The following CBL variants were observed in gnomAD, a reference collection of about 807,000 sequenced individuals.
CBL encodes the protein Cbl proto-oncogene.
A neutral mutation model predicts 96.9 loss-of-function variants in CBL; 45 were observed. That is an observed-to-expected ratio of 0.46 (90% confidence interval 0.37 to 0.60). The LOEUF (loss-of-function observed/expected upper bound fraction) is 0.60. Among genes scored for constraint, CBL ranks in the 20% least tolerant of loss-of-function variants. The pLI, the probability that CBL is intolerant of heterozygous loss-of-function variation, is 0.00. For missense variants in CBL, 1,024 were observed against 1,143.5 expected (o/e 0.90, Z 1.51); for synonymous variants, 420 against 426.8 (o/e 0.98, Z 0.20).
At chr11:119,244,599 T>TTTTTTTTTTTTA (rs1949611666) in intron 2 of CBL, among the ~76,000 whole-genome samples, 1 of 148,242 alleles carries the variant, frequency 6.7e-6, no homozygotes, top group African/African-American at 2.5e-5. Flanking sequence ...TTTTTTTTTT[T>TTTTTTTTTTTTA]GAGACGGAGT....
intron 6 of CBL, among the ~76,000 whole-genome samples, chr11:119,277,302 G>C (rs964809754): frequency 2.7e-5 from 4 of 149,490 alleles, no homozygotes; most frequent in African/African-American, 1.0e-4. Context: ...GCCATCCATT[G>C]ATTAAAAATG....
intron 1 of CBL, among the ~76,000 whole-genome samples, chr11:119,206,832 C>T (rs918905270): frequency 3.0e-4 from 46 of 150,970 alleles, no homozygotes; most frequent in Middle Eastern, 3.5e-3. Flanking sequence ...TCGGGGAACG[C>T]TGGGGTGCCG....
intron 1 of CBL, among the ~76,000 whole-genome samples, chr11:119,225,196 A>G (rs540206361): frequency 1.3e-5 from 2 of 152,120 alleles, no homozygotes; most frequent in East Asian, 3.9e-4. Flanking sequence ...TCCCGGGTTC[A>G]TGCAATTCTC....
In CBL at chr11:119,306,484, T is replaced by C. The variant is rs562568416; in HGVS notation, c.*6703T>C. 9.8e-4 allele frequency: 390 copies of C among 397,716 alleles called. No homozygotes were observed. Among genetic ancestry groups the C allele is most frequent in the Non-Finnish European group, 1.4e-3 (316 of 225,700 alleles). 24.6% of individuals were successfully genotyped at this position (397,716 alleles called of 1,614,324 possible). ...GAGGAGTATTGCTCAATGCGTGCTATGTGCAACTCCTCAGGCCTTGTGCCA... is the reference window on the plus strand; with the variant it reads ...GAGGAGTATTGCTCAATGCGTGCTACGTGCAACTCCTCAGGCCTTGTGCCA... On this transcript the variant is annotated 3_prime_UTR_variant, in exon 16 of 16. Coordinates refer to ENST00000264033, the MANE Select transcript of CBL (RefSeq NM_005188.4).
At chr11:119,266,916 G>C (rs1949806976) in intron 2 of CBL, among the ~76,000 whole-genome samples, 4 of 152,196 alleles carry the variant, frequency 2.6e-5, no homozygotes, top group Admixed American at 2.6e-4. Context: ...TTCCTTTGTG[G>C]ATCTTTGGAG....
At chr11:119,295,267 G>A (rs1565271603) in intron 12 of CBL, among the ~76,000 whole-genome samples, 1 of 152,190 alleles carries the variant, frequency 6.6e-6, no homozygotes. Flanking sequence ...AAAATTCTCA[G>A]AAATGGAATT....
intron 9 of CBL, among the ~76,000 whole-genome samples, chr11:119,279,656 A>G (rs565956980): frequency 2.0e-5 from 3 of 152,294 alleles, no homozygotes; most frequent in South Asian, 4.1e-4. Context: ...TGTCTCATAA[A>G]TAAATAGTAA....
At chr11:119,209,797 A>G (rs1226968353) in intron 1 of CBL, among the ~76,000 whole-genome samples, 1 of 152,112 alleles carries the variant, frequency 6.6e-6, no homozygotes, top group South Asian at 2.1e-4. Flanking sequence ...CCAATATTGG[A>G]TATATACAGA....
intron 1 of CBL, among the ~76,000 whole-genome samples, chr11:119,210,714 G>A (rs545429194): frequency 2.1e-4 from 31 of 148,920 alleles, no homozygotes; most frequent in Non-Finnish European, 4.3e-4. Context: ...CTCCCAAAGT[G>A]CTGAGGTGGG....
In CBL at chr11:119,300,146, G is replaced by GGT; in HGVS notation, c.*365_*366insGT. The stretch of plus-strand genomic sequence containing the variant: ...CTTCCTGGGTTAAGGATGTGGCCGT[G>GGT]TGTGTGTGTGTCTGCCTGTGGTTGT... On this transcript the variant is annotated 3_prime_UTR_variant, in exon 16 of 16. Coordinates refer to ENST00000264033, the MANE Select transcript of CBL (RefSeq NM_005188.4). 1 of 465,022 alleles carries GGT rather than the reference G, an allele frequency of 2.2e-6. No individual in the cohort carries two copies. Among genetic ancestry groups the GGT allele is most frequent in the Non-Finnish European group, 3.7e-6 (1 of 268,552 alleles). 28.8% of individuals were successfully genotyped at this position (465,022 alleles called of 1,614,324 possible).
At position 119,299,844 on chromosome 11, in the gene CBL, A is replaced by G; in HGVS notation, c.*63A>G. 1.3e-6 allele frequency: 2 copies of G among 1,535,640 alleles called. No individual in the cohort carries two copies. The highest frequency in any genetic ancestry group is 1.7e-5 in the Admixed American group (1 of 59,912). ...AGTTGGGAGTTATTACTCAAGTGGCACCTAGAAGGGCAGGAGTTCCTTTGG... is the reference window on the plus strand; with the variant it reads ...AGTTGGGAGTTATTACTCAAGTGGCGCCTAGAAGGGCAGGAGTTCCTTTGG... On this transcript the variant is annotated 3_prime_UTR_variant, in exon 16 of 16. Transcript: ENST00000264033.
rs1445115422 is a variant in CBL at position 119,271,776 on chromosome 11, T to C, written c.485T>C (p.Leu162Pro). The change falls in exon 3 of 16, where the codon CTG becomes CCG. Residue 162 changes from leucine to proline, a missense_variant. By Grantham distance (98) the Leu-to-Pro change is moderately conservative (BLOSUM62 -3). Around this residue, in one of 4 missense-constraint regions of CBL, gnomAD observed 192 missense variants for 321.8 expected, o/e 0.60. Coordinates refer to ENST00000264033, the MANE Select transcript of CBL (RefSeq NM_005188.4). Reference sequence around the variant, plus strand: ...CTGTCCCTCATCTTCAGCCACATGCTGGCAGAACTAAAAGGAATCTTTCCA... The same window carrying C: ...CTGTCCCTCATCTTCAGCCACATGCCGGCAGAACTAAAAGGAATCTTTCCA... Reference protein sequence around the residue: ...TKLSLIFSHMLAELKGIFPSG... With the variant: ...TKLSLIFSHMPAELKGIFPSG... The C allele has an allele frequency of 6.2e-7, 1 of 1,613,946 alleles. No individual in the cohort carries two copies. Among genetic ancestry groups the C allele is most frequent in the African/African-American group, 1.3e-5 (1 of 74,946 alleles).
intron 2 of CBL, among the ~76,000 whole-genome samples, chr11:119,248,095 T>G (rs530105743): frequency 6.6e-6 from 1 of 152,302 alleles, no homozygotes; most frequent in Non-Finnish European, 1.5e-5. Context: ...AAAATTCCAG[T>G]AGCACTTTTT....
chr11:119,240,375 C>G (rs550653060), intron 2 of CBL, among the ~76,000 whole-genome samples: 1 of 152,088 alleles, frequency 6.6e-6, no homozygotes, highest in African/African-American at 2.4e-5. Context: ...TCAGGAACAA[C>G]TGAAACCAGG....
At chr11:119,293,771 C>T (rs934123825) in intron 12 of CBL, among the ~76,000 whole-genome samples, 3 of 152,156 alleles carry the variant, frequency 2.0e-5, no homozygotes, top group Non-Finnish European at 4.4e-5. Flanking sequence ...ATTTAGCCCA[C>T]GCTTTTGGAA....
chr11:119,264,374 G>T (rs972653490), intron 2 of CBL, among the ~76,000 whole-genome samples: 6 of 119,578 alleles, frequency 5.0e-5, no homozygotes, highest in African/African-American at 1.8e-4. Flanking sequence ...CTTTTATTAT[G>T]ATCTTTCTTT....
chr11:119,298,376 C>T lies in CBL; in HGVS notation c.2270C>T (p.Ala757Val), dbSNP rs1489560722. The change falls in exon 15 of 16, where the codon GCA (alanine) becomes GTA (valine). Residue 757 changes from alanine to valine, a missense_variant. Physicochemically the swap from Ala to Val is moderately conservative, Grantham distance 64. This residue lies in a region of CBL where 695 missense variants were observed against 661.6 expected (regional missense o/e 1.05). Transcript: ENST00000264033. ...SSTFGEGNLA[A>V]AHANTGPEES... ...TCTCCAGGTGAAGGGAATTTGGCCG[C>T]AGCCCATGCCAACACTGGTCCCGAG... 9 of 1,614,160 alleles carry T rather than the reference C, an allele frequency of 5.6e-6. No individual in the cohort carries two copies. The South Asian group carries it at 8.8e-5, about 16-fold the overall frequency.
chr11:119,272,362 C>T (rs938453683), intron 3 of CBL, among the ~76,000 whole-genome samples: 9 of 152,186 alleles, frequency 5.9e-5, no homozygotes, highest in African/African-American at 2.2e-4. Flanking sequence ...CCTCGTGATC[C>T]ACCTGCTTCG....
intron 12 of CBL, among the ~76,000 whole-genome samples, chr11:119,289,242 A>C (rs903032848): frequency 1.3e-5 from 2 of 152,260 alleles, no homozygotes; most frequent in African/African-American, 4.8e-5. Context: ...ATCTTTTTTA[A>C]AATTTCTCTG....
Sources: gnomAD v4.1 joint callset for allele counts (sites outside exome capture counted in the v4.1 genomes callset) on GRCh38, gnomAD v4.1.1 for gene constraint, gnomAD v4.1.1 regional missense constraint, MANE v1.5 for transcripts, NCBI Gene and HGNC (gene_info 2026-07-23, HGNC 2026-07-21) for gene names.